The following ELAC2 variants were observed in gnomAD, a reference collection of about 807,000 sequenced individuals.
ELAC2 encodes zinc phosphodiesterase ELAC protein 2.
Under a neutral mutation model 105.2 loss-of-function variants are expected in ELAC2, and 92 were observed. The ratio of observed to expected loss-of-function variants is 0.87; its 90% CI spans 0.74 to 1.04. The LOEUF (loss-of-function observed/expected upper bound fraction) is 1.04, where lower values mean the gene tolerates loss of function less well. Ranked by LOEUF, ELAC2 falls within the 50% of genes least tolerant of loss-of-function variation. The pLI is 0.00. For synonymous variants in ELAC2, 468 were observed against 409.1 expected, an observed-to-expected ratio of 1.14 and a Z score of -1.74; for missense variants, 1,099 against 1,071.7, an observed-to-expected ratio of 1.03 and a Z score of -0.36.
rs922193808 is a variant in ELAC2, at chr17:12,992,455, A to G, written c.*363T>C. 5 of 425,506 alleles carry G rather than the reference A, an allele frequency of 1.2e-5. No homozygotes were observed. Among genetic ancestry groups the G allele is most frequent in the African/African-American group, 9.8e-5 (5 of 51,054 alleles). The allele number at this position is 425,506 out of a possible 1,614,324, so 26.4% of individuals were successfully genotyped here. A position where few individuals can be genotyped will look rare whatever the true frequency, so the allele number is the denominator to read the frequency against. On this transcript the variant is annotated 3_prime_UTR_variant, in exon 24 of 24. Coordinates refer to ENST00000338034, the MANE Select transcript of ELAC2 (RefSeq NM_018127.7). ...CGTTAAGTCTCGGACACTTAGACCC[A>G]CTGATCCTGTTACTCTGCTTGTCTC...
chr17:13,016,233 G>C (rs925800781), intron 3 of ELAC2, among the ~76,000 whole-genome samples: 4 of 152,178 alleles, frequency 2.6e-5, no homozygotes, highest in Non-Finnish European at 5.9e-5. Flanking sequence ...CTGACCTTCC[G>C]GTTGATAGAC....
At chr17:12,994,350 A>G in intron 22 of ELAC2, 75 bp downstream of exon 22, 1 of 1,551,170 alleles carries the variant, frequency 6.4e-7, no homozygotes, top group Non-Finnish European at 8.9e-7. Context: ...AGTGGAGACA[A>G]ACGACGGCTG....
intron 5 of ELAC2, among the ~76,000 whole-genome samples, chr17:13,013,961 G>T (rs908192107): frequency 7.9e-5 from 12 of 152,072 alleles, no homozygotes; most frequent in African/African-American, 2.7e-4. Context: ...CACTCCTGCC[G>T]ACCTGGCCCC....
chr17:13,002,612 C>CT (rs758609417), intron 12 of ELAC2, 33 bp from the exon 13 acceptor site: 1 of 1,575,582 alleles, frequency 6.3e-7, no homozygotes, highest in Non-Finnish European at 8.6e-7. Flanking sequence ...TTTGCAGCGT[C>CT]TGTTAGGAGG....
Position 12,995,739 on chromosome 17 carries a change from T to A in ELAC2, c.1772A>T (p.Tyr591Phe), listed in dbSNP as rs1567744106. The A allele has an allele frequency of 6.2e-7, 1 of 1,612,874 alleles. No homozygotes were observed. The highest frequency in any genetic ancestry group is 8.5e-7 in the Non-Finnish European group (1 of 1,179,548). The change falls in exon 19 of 24, where the codon TAC becomes TTC. Residue 591 changes from tyrosine to phenylalanine, a missense_variant. Physicochemically the swap from Tyr to Phe is conservative, Grantham distance 22. Transcript: ENST00000338034. ...PNQLKAWLQQ[Y>F]HNQCQEVLHH... The stretch of plus-strand genomic sequence containing the variant: ...CAGGACCTCCTGGCACTGGTTGTGG[T>A]ACTGCTGGAGCCAGGCTTTGAGCTG...
At position 12,993,788 on chromosome 17, in the gene ELAC2, C is replaced by A; in HGVS notation, c.2152G>T (p.Glu718Ter). The change falls in exon 23 of 24, where the codon GAG (glutamate) becomes TAG (stop). Residue 718 changes from glutamate to a stop codon, truncating the protein, a stop_gained. Transcript: ENST00000338034. LOFTEE classifies it high-confidence loss of function. ...AISVGMRMNA[E>*]FIMLNHFSQR... ...CTGAAGTGGTTCAGCATAATGAACT[C>A]CGCGTTCATCCGCATCCCCACGCTG... 1 of 1,614,182 alleles carries A rather than the reference C, an allele frequency of 6.2e-7. No individual in the cohort carries two copies.
At chr17:13,009,858 G>A (rs531813468) in intron 8 of ELAC2, among the ~76,000 whole-genome samples, 275 of 152,056 alleles carry the variant, frequency 1.8e-3, no homozygotes, top group Non-Finnish European at 3.3e-3. Context: ...GTGTGGTGGC[G>A]CGCACCTATA....
Position 13,005,118 on chromosome 17 carries a change from G to T in ELAC2, c.871-17C>A. The T allele has an allele frequency of 1.3e-6, 2 of 1,583,292 alleles. No individual in the cohort carries two copies. The highest frequency in any genetic ancestry group is 1.7e-6 in the Non-Finnish European group (2 of 1,151,998). ...AGCCAAAATCTGCAAAACCAAATAAGCCCGCCCACTGGGGGTCACAGCTCA... is the reference window on the plus strand; with the variant it reads ...AGCCAAAATCTGCAAAACCAAATAATCCCGCCCACTGGGGGTCACAGCTCA... On this transcript the variant is annotated splice_polypyrimidine_tract_variant and intron_variant, in intron 10 of 23. Transcript: ENST00000338034.
chr17:12,992,985 C>T lies in ELAC2; in HGVS notation c.2314G>A (p.Ala772Thr). Residue 772 changes from alanine to threonine, a missense_variant, in exon 24 of 24, where the codon GCT (alanine) becomes ACT (threonine). Ala to Thr is a moderately conservative substitution (Grantham distance 58, BLOSUM62 0). Coordinates refer to ENST00000338034, the MANE Select transcript of ELAC2 (RefSeq NM_018127.7). ...KLIPPLKALF[A>T]GDIEEMEERR... Reference sequence around the variant, plus strand: ...TCCTCCATCTCCTCGATGTCGCCAGCAAACAGGGCTTTCAGTGGGGGAATC... The same window carrying T: ...TCCTCCATCTCCTCGATGTCGCCAGTAAACAGGGCTTTCAGTGGGGGAATC... The T allele has an allele frequency of 1.2e-6, 2 of 1,610,140 alleles. No individual in the cohort carries two copies. Among genetic ancestry groups the T allele is most frequent in the Non-Finnish European group, 1.7e-6 (2 of 1,180,024 alleles).
chr17:13,014,608 A>G (rs1433586184), intron 4 of ELAC2, 112 bp from the exon 5 acceptor site: 1 of 813,874 alleles, frequency 1.2e-6, no homozygotes, highest in Non-Finnish European at 2.2e-6. Flanking sequence ...AAAGCTTAGT[A>G]AATATTTTGA....
At chr17:12,999,949 G>A (rs1171697407) in intron 15 of ELAC2, among the ~76,000 whole-genome samples, 3 of 152,170 alleles carry the variant, frequency 2.0e-5, no homozygotes, top group Admixed American at 1.3e-4. Flanking sequence ...GAGCCACCGC[G>A]CCCAGCCAGG....
At chr17:13,011,373 G>T (rs1449461634) in intron 7 of ELAC2, among the ~76,000 whole-genome samples, 2 of 152,160 alleles carry the variant, frequency 1.3e-5, no homozygotes, top group Non-Finnish European at 2.9e-5. Flanking sequence ...AATACAAAAT[G>T]AATCCGTTTG....
At chr17:12,998,746 A>C (rs1379259140) in intron 15 of ELAC2, among the ~76,000 whole-genome samples, 1 of 152,024 alleles carries the variant, frequency 6.6e-6, no homozygotes, top group African/African-American at 2.4e-5. Flanking sequence ...CTCTCAGGAG[A>C]CTGCATTACT....
At chr17:13,005,875 C>T (rs772503641) in intron 9 of ELAC2, 46 bp downstream of exon 9, 1 of 1,614,048 alleles carries the variant, frequency 6.2e-7, no homozygotes, top group Non-Finnish European at 8.5e-7. Context: ...CTTAAGTGGA[C>T]AGGTGTACCC....
In ELAC2 at chr17:12,996,646, T is replaced by C. The variant is rs11545302; in HGVS notation, c.1560A>G (p.Thr520=). 0.29 allele frequency: 464,635 copies of C among 1,613,436 alleles called. 69,326 individuals carry two copies. The highest frequency in any genetic ancestry group is 0.34 in the Middle Eastern group (2,054 of 6,056). ...TSLLLDCGEG[T]FGQLCRHYGD... ...CGTAATGACGGCACAGCTGCCCAAA[T>C]GTGCCCTCACCACAGTCCAGTAGCA... The change falls in exon 17 of 24, where the codon ACA becomes ACG. Residue 520 remains threonine (T), a synonymous_variant. Coordinates refer to ENST00000338034, the MANE Select transcript of ELAC2 (RefSeq NM_018127.7).
intron 15 of ELAC2, among the ~76,000 whole-genome samples, chr17:12,999,386 T>G (rs1487923198): frequency 1.3e-5 from 2 of 152,150 alleles, no homozygotes; most frequent in East Asian, 3.9e-4. Context: ...AGGTCTCCAG[T>G]GAAGATGGTA....
intron 1 of ELAC2, chr17:13,017,380 G>A: frequency 1.6e-6 from 1 of 626,044 alleles, no homozygotes; most frequent in East Asian, 2.8e-5. Context: ...CACCAGATCT[G>A]TCCACCCCAC....
intron 16 of ELAC2, among the ~76,000 whole-genome samples, chr17:12,997,419 G>A (rs1180521219): frequency 1.3e-5 from 2 of 152,180 alleles, no homozygotes; most frequent in African/African-American, 4.8e-5. Context: ...GAGAAGCCCC[G>A]GTGCTAAGAC....
intron 5 of ELAC2, among the ~76,000 whole-genome samples, 155 bp downstream of exon 5, chr17:13,014,282 ACT>A (rs1404625370): frequency 7.6e-6 from 1 of 131,442 alleles, no homozygotes; most frequent in Admixed American, 8.6e-5. Flanking sequence ...AGAAAGCAAG[ACT>A]CTATCCAAAA....
Sources: gnomAD v4.1 joint callset for allele counts (sites outside exome capture counted in the v4.1 genomes callset) on GRCh38, gnomAD v4.1.1 for gene constraint, MANE v1.5 for transcripts, NCBI Gene and HGNC (gene_info 2026-07-23, HGNC 2026-07-21) for gene names.